The following ZBTB7C variants were observed in gnomAD, a reference collection of about 807,000 sequenced individuals.
The protein encoded by ZBTB7C is zinc finger and BTB domain-containing protein 7C.
A neutral mutation model predicts 25.7 loss-of-function variants in ZBTB7C; 8 were observed. That is an observed-to-expected ratio of 0.31 (90% CI 0.18 to 0.56). ZBTB7C has a LOEUF of 0.56. Ranked by LOEUF, ZBTB7C falls within the 20% of genes least tolerant of loss-of-function variation. ZBTB7C has a pLI of 0.91. For missense variants in ZBTB7C, 824 were observed against 855.2 expected, an observed-to-expected ratio of 0.96 and a Z score of 0.46; for synonymous variants, 394 against 369.0, an observed-to-expected ratio of 1.07 and a Z score of -0.78.
rs545722339 is a variant in ZBTB7C, at chr18:48,164,044, C to T, written c.-17+21890G>A. Reference sequence around the variant, plus strand: ...CTGAGTACTAATATGCATTTTTATTCTGCAATAATTTTCATACTGAGTTCA... The same window carrying T: ...CTGAGTACTAATATGCATTTTTATTTTGCAATAATTTTCATACTGAGTTCA... On this transcript the variant is annotated intron_variant, in intron 3 of 4. Coordinates refer to ENST00000590800, the MANE Select transcript of ZBTB7C (RefSeq NM_001318841.2). Among the ~76,000 whole-genome samples the T allele has an allele frequency of 2.3e-4, 35 of 152,264 alleles. 1 individual carries two copies. The highest frequency in any genetic ancestry group is 8.2e-4 in the African/African-American group (34 of 41,548).
chr18:48,036,094 T>C (rs2035957480), intron 4 of ZBTB7C, among the ~76,000 whole-genome samples: 1 of 152,272 alleles, frequency 6.6e-6, no homozygotes, highest in Non-Finnish European at 1.5e-5. Flanking sequence ...GTTTGGTTGA[T>C]GCCGTTGAGG....
intron 3 of ZBTB7C, among the ~76,000 whole-genome samples, chr18:48,058,059 C>A (rs577649345): frequency 4.6e-5 from 7 of 152,294 alleles, no homozygotes; most frequent in African/African-American, 1.7e-4. Flanking sequence ...GCACCAAGGA[C>A]ACAGGTGCTA....
At chr18:48,198,182 T>C (rs1340142020) in intron 2 of ZBTB7C, among the ~76,000 whole-genome samples, 2 of 152,238 alleles carry the variant, frequency 1.3e-5, no homozygotes, top group African/African-American at 4.8e-5. Context: ...AATCCCTTCC[T>C]AGACAGTTCA....
At chr18:48,108,208 G>C (rs1156905166) in intron 3 of ZBTB7C, among the ~76,000 whole-genome samples, 1 of 152,194 alleles carries the variant, frequency 6.6e-6, no homozygotes, top group Non-Finnish European at 1.5e-5. Context: ...TGCCCACAGT[G>C]AGTCTGTAAG....
At position 48,291,191 on chromosome 18, in the gene ZBTB7C, C is replaced by T. The variant is rs568250114; in HGVS notation, c.-79+46983G>A. 6.6e-5 allele frequency among the ~76,000 whole-genome samples: 10 copies of T among 152,274 alleles called. No individual in the cohort carries two copies. In the South Asian group the frequency reaches 1.7e-3, roughly 25 times the overall value. On this transcript the variant is annotated intron_variant, in intron 2 of 4. Transcript: ENST00000590800. ...TCACTTGTGAGCAGCTTCTCAGCAGCCTTTAGCCATGAAGCAGCCAAACAT... is the reference window on the plus strand; with the variant it reads ...TCACTTGTGAGCAGCTTCTCAGCAGTCTTTAGCCATGAAGCAGCCAAACAT...
intron 2 of ZBTB7C, among the ~76,000 whole-genome samples, chr18:48,335,368 T>C (rs1166284321): frequency 6.6e-6 from 1 of 152,190 alleles, no homozygotes; most frequent in East Asian, 1.9e-4. Context: ...ATAGAATTTA[T>C]TAGTTCCAAT....
chr18:48,098,509 C>T (rs141029178), intron 3 of ZBTB7C, among the ~76,000 whole-genome samples: 4 of 152,286 alleles, frequency 2.6e-5, no homozygotes, highest in Non-Finnish European at 4.4e-5. Context: ...CAGATGGTCT[C>T]GGTTTCCAGG....
chr18:48,285,612 A>G (rs901929685), intron 2 of ZBTB7C, among the ~76,000 whole-genome samples: 1 of 152,196 alleles, frequency 6.6e-6, no homozygotes, highest in Non-Finnish European at 1.5e-5. Context: ...TCGTCCTCTC[A>G]AAGTGCTGGG....
At position 48,255,755 on chromosome 18, in the gene ZBTB7C, G is replaced by A. The variant is rs527334112; in HGVS notation, c.-78-69760C>T. ...CTCATTCCATTTTGTAGAATGAAGT[G>A]TTGCCCAATTCTAGATTGAAAATAA... On this transcript the variant is annotated intron_variant, in intron 2 of 4. Transcript: ENST00000590800. Among the ~76,000 whole-genome samples the A allele has an allele frequency of 2.0e-5, 3 of 152,282 alleles. No individual in the cohort carries two copies. In the South Asian group the frequency reaches 6.2e-4, roughly 32 times the overall value.
chr18:48,076,628 AG>A (rs1251985864), intron 3 of ZBTB7C, among the ~76,000 whole-genome samples: 1 of 152,226 alleles, frequency 6.6e-6, no homozygotes, highest in East Asian at 1.9e-4. Context: ...AAAGCAGAGA[AG>A]ATGCAAGAAC....
chr18:48,410,692 A>G (rs1033270289), upstream of ZBTB7C: 1 of 152,200 alleles, frequency 6.6e-6, no homozygotes, highest in African/African-American at 2.4e-5. Context: ...TTTGCAGTCC[A>G]CCCCTCTGCG....
intron 3 of ZBTB7C, among the ~76,000 whole-genome samples, chr18:48,096,675 C>T (rs989400676): frequency 7.9e-5 from 12 of 152,068 alleles, no homozygotes; most frequent in African/African-American, 1.7e-4. Context: ...CTCTCACTTT[C>T]GGTCATAAGT....
chr18:48,115,700 G>A (rs2039414479), intron 3 of ZBTB7C, among the ~76,000 whole-genome samples: 1 of 152,134 alleles, frequency 6.6e-6, no homozygotes, highest in African/African-American at 2.4e-5. Context: ...TTGAATGCCC[G>A]TTTTCAATCC....
At chr18:48,385,099 T>C (rs1002989749) in intron 1 of ZBTB7C, among the ~76,000 whole-genome samples, 1 of 152,214 alleles carries the variant, frequency 6.6e-6, no homozygotes. Flanking sequence ...CTCATGGTGC[T>C]AGGTGCAACC....
chr18:48,342,160 G>C (rs922554850), intron 1 of ZBTB7C, among the ~76,000 whole-genome samples: 1 of 152,138 alleles, frequency 6.6e-6, no homozygotes, highest in African/African-American at 2.4e-5. Flanking sequence ...CCCCCTCCCA[G>C]TGCCCAGGAG....
Position 48,317,439 on chromosome 18 carries a change from T to C in ZBTB7C, c.-79+20735A>G, listed in dbSNP as rs138078777. ...CTCTGGCACAAGGCAGTGCCTACTG[T>C]TTTGACCCAGCTCCCTAGGCCAGCC... On this transcript the variant is annotated intron_variant, in intron 2 of 4. Transcript: ENST00000590800. 6.8e-3 allele frequency among the ~76,000 whole-genome samples: 1,036 copies of C among 152,224 alleles called. 33 individuals are homozygous for C. Among genetic ancestry groups the C allele is most frequent in the Admixed American group, 0.057 (864 of 15,292 alleles).
intron 2 of ZBTB7C, among the ~76,000 whole-genome samples, chr18:48,193,613 G>A (rs987515758): frequency 5.3e-5 from 8 of 152,204 alleles, no homozygotes; most frequent in South Asian, 2.1e-4. Context: ...TTGCCGCAGC[G>A]CTGAGAGCAT....
chr18:48,384,352 C>T (rs1599009117), intron 1 of ZBTB7C, among the ~76,000 whole-genome samples: 2 of 152,178 alleles, frequency 1.3e-5, no homozygotes, highest in East Asian at 3.9e-4. Flanking sequence ...CCCTGGAGCT[C>T]CCACCACACT....
chr18:48,084,552 A>C (rs1178482364), intron 3 of ZBTB7C, among the ~76,000 whole-genome samples: 1 of 152,156 alleles, frequency 6.6e-6, no homozygotes, highest in African/African-American at 2.4e-5. Context: ...CTGGACCCAC[A>C]GTATGCCTGT....
Sources: allele counts gnomAD v4.1 joint callset (sites outside exome capture counted in the v4.1 genomes callset), GRCh38; gene constraint gnomAD v4.1.1; transcripts MANE v1.5; gene names NCBI Gene and HGNC (gene_info 2026-07-23, HGNC 2026-07-21).